The following DDX47 variants were observed in gnomAD, a reference collection of about 807,000 sequenced individuals.
DDX47 encodes probable ATP-dependent RNA helicase DDX47.
Under a neutral mutation model 58.8 loss-of-function variants are expected in DDX47, and 60 were observed. The observed-to-expected ratio is 1.02, with a 90% CI of 0.83 to 1.26. The LOEUF (loss-of-function observed/expected upper bound fraction) is 1.26, where lower values mean the gene tolerates loss of function less well. Ranked by LOEUF, DDX47 falls within the 50% of genes most tolerant of loss-of-function variation. The probability of loss-of-function intolerance (pLI) is 0.00; values close to 1 mark genes in which losing one functional copy is unlikely to be tolerated. For missense variants in DDX47, 530 were observed against 573.2 expected (o/e 0.92, Z 0.77); for synonymous variants, 197 against 204.6 (o/e 0.96, Z 0.32).
At position 12,821,735 on chromosome 12, in the gene DDX47, C is replaced by T. The variant is rs774790402; in HGVS notation, c.442+9C>T. Reference sequence around the variant, plus strand: ...ACCACATATAATAATAGGTGAGTAACTGACAAAGGTAAAAGACACTGGCAG... The same window carrying T: ...ACCACATATAATAATAGGTGAGTAATTGACAAAGGTAAAAGACACTGGCAG... On this transcript the variant is annotated intron_variant, in intron 4 of 11. Coordinates refer to ENST00000358007, the MANE Select transcript of DDX47 (RefSeq NM_016355.4). 74 of 1,599,886 alleles carry T rather than the reference C, an allele frequency of 4.6e-5. No individual in the cohort carries two copies. The South Asian group carries it at 7.3e-4, about 16-fold the overall frequency.
intron 8 of DDX47, 141 bp from the exon 9 acceptor site, chr12:12,824,399 G>A (rs1592324174): frequency 2.5e-6 from 2 of 788,742 alleles, no homozygotes; most frequent in East Asian, 5.8e-5. Context: ...TTTCTGTTTT[G>A]ACCTGTGAAG....
chr12:12,828,573 C>T (rs1018259699), intron 11 of DDX47, among the ~76,000 whole-genome samples: 1 of 152,168 alleles, frequency 6.6e-6, no homozygotes, highest in Non-Finnish European at 1.5e-5. Flanking sequence ...TTCTGGAGTT[C>T]TGGTCTGAGG....
At chr12:12,827,223 G>A in intron 10 of DDX47, 23 bp from the exon 11 acceptor site, 1 of 1,611,988 alleles carries the variant, frequency 6.2e-7, no homozygotes, top group African/African-American at 1.3e-5. Flanking sequence ...GGCAACCAGA[G>A]CTGTGCAGTT....
chr12:12,820,043 A>T (rs1862946195), intron 2 of DDX47, among the ~76,000 whole-genome samples: 1 of 91,526 alleles, frequency 1.1e-5, no homozygotes, highest in Admixed American at 1.0e-4. Context: ...GCAGTTACAC[A>T]GTCAGAACAG....
rs1192156282 is a variant in DDX47 at position 12,821,747 on chromosome 12, A to G, written c.442+21A>G. The stretch of plus-strand genomic sequence containing the variant: ...AATAGGTGAGTAACTGACAAAGGTA[A>G]AAGACACTGGCAGTGATGAATTGGA... On this transcript the variant is annotated intron_variant, in intron 4 of 11. Coordinates refer to ENST00000358007, the MANE Select transcript of DDX47 (RefSeq NM_016355.4). The G allele has an allele frequency of 3.8e-6, 6 of 1,572,384 alleles. No homozygotes were observed. In the South Asian group the frequency reaches 6.7e-5, roughly 17 times the overall value.
rs1862981419 is a variant in DDX47, at chr12:12,822,005, AG to A, written c.485del (p.Gly162ValfsTer4). 6.2e-7 allele frequency: 1 copy of A among 1,613,980 alleles called. No homozygotes were observed. The highest frequency in any genetic ancestry group is 8.5e-7 in the Non-Finnish European group (1 of 1,179,962). On this transcript the variant is annotated frameshift_variant, in exon 5 of 12. Transcript: ENST00000358007. LOFTEE classifies it high-confidence loss of function. ...RLIDHLENTKGFNLRALKYLV... is the reference protein window; with the variant it reads ...RLIDHLENTKXFNLRALKYLV... ...TGATTGACCACTTGGAAAATACGAA[AG>A]GTTTCAACTTGAGAGCTCTCAAATA...
intron 11 of DDX47, among the ~76,000 whole-genome samples, chr12:12,827,880 T>C (rs1398114716): frequency 7.3e-6 from 1 of 136,716 alleles, no homozygotes. Context: ...TTTTTTCTTT[T>C]TTTTTTTTTT....
In DDX47 at chr12:12,821,743, G is replaced by T. The variant is rs1224476478; in HGVS notation, c.442+17G>T. ...TAATAATAGGTGAGTAACTGACAAA[G>T]GTAAAAGACACTGGCAGTGATGAAT... On this transcript the variant is annotated intron_variant, in intron 4 of 11. Transcript: ENST00000358007. 1.9e-6 allele frequency: 3 copies of T among 1,583,928 alleles called. No homozygotes were observed. The highest frequency in any genetic ancestry group is 2.6e-6 in the Non-Finnish European group (3 of 1,152,890).
In DDX47 at chr12:12,821,298, A is replaced by G. The variant is rs1210397439; in HGVS notation, c.272A>G (p.Gln91Arg). 5.0e-6 allele frequency: 8 copies of G among 1,614,214 alleles called. No individual in the cohort carries two copies. Among genetic ancestry groups the G allele is most frequent in the East Asian group, 2.2e-5 (1 of 44,882 alleles). ...PILNALLETP[Q>R]RLFALVLTPT... ...CTAAACGCACTGCTGGAGACCCCGC[A>G]GCGTTTGTTTGCCCTAGTTCTTACC... is the stretch of plus-strand genomic sequence containing the variant. Residue 91 changes from glutamine to arginine, a missense_variant, in exon 3 of 12, where the codon CAG becomes CGG. Coordinates refer to ENST00000358007, the MANE Select transcript of DDX47 (RefSeq NM_016355.4).
intron 11 of DDX47, among the ~76,000 whole-genome samples, chr12:12,828,136 G>T (rs1380789595): frequency 6.6e-6 from 1 of 152,082 alleles, no homozygotes. Flanking sequence ...GGGATTACAG[G>T]CTTGAGCCAT....
At chr12:12,824,380 G>T in intron 8 of DDX47, 160 bp from the exon 9 acceptor site, 9 of 656,962 alleles carry the variant, frequency 1.4e-5, no homozygotes, top group South Asian at 5.3e-5. Flanking sequence ...ATTTTTTGTT[G>T]CTTCCATATT....
At chr12:12,828,872 C>T (rs1222922664) in intron 11 of DDX47, among the ~76,000 whole-genome samples, 1 of 152,158 alleles carries the variant, frequency 6.6e-6, no homozygotes, top group African/African-American at 2.4e-5. Flanking sequence ...TTCATGTGAT[C>T]GTTTCTTAAT....
Position 12,821,734 on chromosome 12 carries a change from A to G in DDX47, c.442+8A>G, listed in dbSNP as rs1233319576. The G allele has an allele frequency of 6.2e-7, 1 of 1,602,474 alleles. No individual in the cohort carries two copies. Among genetic ancestry groups the G allele is most frequent in the Admixed American group, 1.7e-5 (1 of 59,990 alleles). On this transcript the variant is annotated splice_region_variant and intron_variant, in intron 4 of 11. Transcript: ENST00000358007. ...AACCACATATAATAATAGGTGAGTAACTGACAAAGGTAAAAGACACTGGCA... is the reference window on the plus strand; with the variant it reads ...AACCACATATAATAATAGGTGAGTAGCTGACAAAGGTAAAAGACACTGGCA...
At chr12:12,821,827 G>C in intron 4 of DDX47, 101 bp downstream of exon 4, 2 of 1,252,136 alleles carry the variant, frequency 1.6e-6, no homozygotes, top group East Asian at 2.3e-5. Context: ...TTGTAACCCT[G>C]TTAAATTTTT....
At chr12:12,814,076 G>T in intron 1 of DDX47, 55 bp from the exon 2 acceptor site, 1 of 1,076,034 alleles carries the variant, frequency 9.3e-7, no homozygotes, top group South Asian at 1.2e-5. Flanking sequence ...AGTTAAGTAG[G>T]AGGGAGGTAG....
At chr12:12,824,808 T>A in intron 9 of DDX47, 131 bp downstream of exon 9, 2 of 948,194 alleles carry the variant, frequency 2.1e-6, no homozygotes, top group Non-Finnish European at 3.2e-6. Context: ...AGAAAGCCCT[T>A]GGTTAGTTCA....
At chr12:12,825,346 TGTG>T (rs1863037362) in intron 9 of DDX47, among the ~76,000 whole-genome samples, 1 of 152,138 alleles carries the variant, frequency 6.6e-6, no homozygotes, top group Non-Finnish European at 1.5e-5. Context: ...AATTCCTTGT[TGTG>T]GGGGTTGTTC....
At chr12:12,824,742 T>TC in intron 9 of DDX47, 65 bp downstream of exon 9, 1 of 1,523,824 alleles carries the variant, frequency 6.6e-7, no homozygotes, top group Non-Finnish European at 9.0e-7. Flanking sequence ...CTGTCTTCTG[T>TC]CTTTCCTTAG....
At chr12:12,829,070 T>G (rs1365522579) in intron 11 of DDX47, among the ~76,000 whole-genome samples, 1 of 152,204 alleles carries the variant, frequency 6.6e-6, no homozygotes, top group Non-Finnish European at 1.5e-5. Flanking sequence ...AGTTAAAATT[T>G]GAATTCATAC....
Sources: allele counts gnomAD v4.1 joint callset (sites outside exome capture counted in the v4.1 genomes callset), GRCh38; gene constraint gnomAD v4.1.1; transcripts MANE v1.5; gene names NCBI Gene and HGNC (gene_info 2026-07-23, HGNC 2026-07-21).